The following ERGIC1 variants were observed in gnomAD, a reference collection of about 807,000 sequenced individuals.
ERGIC1 encodes endoplasmic reticulum-golgi intermediate compartment 1.
Under a neutral mutation model 38.3 loss-of-function variants are expected in ERGIC1, and 19 were observed. That is an observed-to-expected ratio of 0.50 (90% confidence interval 0.35 to 0.73). ERGIC1 has a LOEUF of 0.73. Ranked by LOEUF, ERGIC1 falls within the 30% of genes least tolerant of loss-of-function variation. The pLI, the probability that ERGIC1 is intolerant of heterozygous loss-of-function variation, is 0.01. For missense variants in ERGIC1, 294 were observed against 389.2 expected (o/e 0.76, Z 2.06); for synonymous variants, 124 against 157.6 (o/e 0.79, Z 1.60).
At chr5:172,866,262 C>G (rs968791227) in intron 1 of ERGIC1, among the ~76,000 whole-genome samples, 10 of 152,182 alleles carry the variant, frequency 6.6e-5, no homozygotes, top group Middle Eastern at 3.4e-3. Flanking sequence ...GGGAGAGAAG[C>G]GGAGGGAGGT....
chr5:172,932,330 G>GC, intron 7 of ERGIC1, 106 bp from the exon 8 acceptor site: 1 of 1,091,584 alleles, frequency 9.2e-7, no homozygotes, highest in Non-Finnish European at 1.3e-6. Context: ...TGGGGAATGA[G>GC]CCCCCTGCCG....
intron 1 of ERGIC1, among the ~76,000 whole-genome samples, chr5:172,844,389 A>T (rs886129558): frequency 6.6e-6 from 1 of 152,204 alleles, no homozygotes; most frequent in African/African-American, 2.4e-5. Context: ...AATCTGATAA[A>T]TTGCGTGAAA....
intron 1 of ERGIC1, among the ~76,000 whole-genome samples, chr5:172,853,358 G>A (rs1229692257): frequency 6.6e-6 from 1 of 152,194 alleles, no homozygotes; most frequent in South Asian, 2.1e-4. Context: ...AACGGCTCCC[G>A]TGGTGGGGGT....
In ERGIC1 at chr5:172,898,181, C is replaced by G; in HGVS notation, c.155+1107C>G. ...TTTCACTAATGGGATTTCTTGGTTT[C>G]CTTTGCCTCCACTCAGCCACAAGAC... On this transcript the variant is annotated intron_variant, in intron 3 of 9. Transcript: ENST00000393784. The G allele has an allele frequency of 9.9e-6, 3 of 304,430 alleles. No individual in the cohort carries two copies. In the East Asian group the frequency reaches 1.5e-4, roughly 16 times the overall value. 18.9% of individuals were successfully genotyped at this position (304,430 alleles called of 1,614,324 possible). A position where few individuals can be genotyped will look rare whatever the true frequency, so the allele number is the denominator to read the frequency against.
intron 1 of ERGIC1, among the ~76,000 whole-genome samples, chr5:172,854,788 A>G (rs1195036576): frequency 2.0e-5 from 3 of 152,292 alleles, no homozygotes; most frequent in African/African-American, 4.8e-5. Context: ...TACAGCTCAC[A>G]TGTATTTTAA....
At chr5:172,859,183 T>A (rs1160172071) in intron 1 of ERGIC1, among the ~76,000 whole-genome samples, 1 of 152,106 alleles carries the variant, frequency 6.6e-6, no homozygotes, top group Non-Finnish European at 1.5e-5. Context: ...ACGTGCACAT[T>A]TTTCCTCTAT....
At chr5:172,843,730 C>G (rs1033738165) in intron 1 of ERGIC1, among the ~76,000 whole-genome samples, 1 of 152,212 alleles carries the variant, frequency 6.6e-6, no homozygotes, top group Non-Finnish European at 1.5e-5. Context: ...GTGAAGTGCC[C>G]TTGGAACTGA....
intron 1 of ERGIC1, among the ~76,000 whole-genome samples, chr5:172,874,716 C>T (rs1278238770): frequency 6.6e-6 from 1 of 151,798 alleles, no homozygotes; most frequent in African/African-American, 2.4e-5. Flanking sequence ...TGCTTGAGCC[C>T]AGGAGTTTGA....
chr5:172,835,117 G>T (rs1023556254), intron 1 of ERGIC1, among the ~76,000 whole-genome samples: 2 of 152,216 alleles, frequency 1.3e-5, no homozygotes, highest in Admixed American at 6.5e-5. Context: ...CTGCCTCATG[G>T]TCTAGGTTGC....
intron 5 of ERGIC1, among the ~76,000 whole-genome samples, chr5:172,923,748 C>T (rs1210598142): frequency 1.3e-5 from 2 of 152,216 alleles, no homozygotes; most frequent in Non-Finnish European, 2.9e-5. Flanking sequence ...CAGATGGGCA[C>T]TTCACATGCA....
At position 172,834,586 on chromosome 5, in the gene ERGIC1, C is replaced by CCT. The variant is rs777592794; in HGVS notation, c.20+154_20+155insTC. On this transcript the variant is annotated intron_variant, in intron 1 of 9. Transcript: ENST00000393784. The surrounding 1 kb of genome is among the most constrained non-coding windows in gnomAD (Gnocchi z 4.1). The stretch of plus-strand genomic sequence containing the variant: ...CCCTAGGGACCCCAGGCGAGCCCCC[C>CCT]CCCTGCCGCACACGAAGCCAGCCAG... Among the ~76,000 whole-genome samples, 1 of 133,082 alleles carries CCT rather than the reference C, an allele frequency of 7.5e-6. No homozygotes were observed. The highest frequency in any genetic ancestry group is 1.6e-5 in the Non-Finnish European group (1 of 60,870). 87.3% of individuals were successfully genotyped at this position (133,082 alleles called of 152,430 possible). A position where few individuals can be genotyped will look rare whatever the true frequency, so the allele number is the denominator to read the frequency against.
chr5:172,883,028 T>C (rs923775194), intron 1 of ERGIC1, among the ~76,000 whole-genome samples: 1 of 152,140 alleles, frequency 6.6e-6, no homozygotes, highest in Admixed American at 6.5e-5. Context: ...AATCTTCTGG[T>C]CTCAAGTGAT....
intron 3 of ERGIC1, among the ~76,000 whole-genome samples, chr5:172,908,098 C>G (rs541752150): frequency 8.6e-5 from 13 of 151,550 alleles, no homozygotes; most frequent in South Asian, 2.1e-4. Context: ...GTCTAGGTCC[C>G]TGTCCCTGAT....
At position 172,946,967 on chromosome 5, in the gene ERGIC1, T is replaced by C. The variant is rs916688661; in HGVS notation, c.766-3742T>C. ...GGGAGGCCGAGGCAGGCAGATCACT[T>C]GAGGTCAGGGGTTCGAGACTATCCT... On this transcript the variant is annotated intron_variant, in intron 9 of 9. Transcript: ENST00000393784. 4.0e-5 allele frequency among the ~76,000 whole-genome samples: 6 copies of C among 151,870 alleles called. No individual in the cohort carries two copies. In the East Asian group the frequency reaches 1.2e-3, roughly 29 times the overall value.
intron 1 of ERGIC1, among the ~76,000 whole-genome samples, chr5:172,849,384 T>G (rs1347996474): frequency 6.6e-6 from 1 of 152,144 alleles, no homozygotes; most frequent in East Asian, 1.9e-4. Flanking sequence ...CAGTGATTCT[T>G]AGGGTCAGGC....
At chr5:172,949,650 C>T (rs1355007667) in intron 9 of ERGIC1, among the ~76,000 whole-genome samples, 3 of 101,876 alleles carry the variant, frequency 2.9e-5, no homozygotes, top group South Asian at 3.6e-4. Flanking sequence ...GTTGTCACAG[C>T]GTGGCGGGGG....
intron 1 of ERGIC1, among the ~76,000 whole-genome samples, chr5:172,843,717 G>T (rs1001877749): frequency 6.6e-6 from 1 of 152,190 alleles, no homozygotes; most frequent in African/African-American, 2.4e-5. Flanking sequence ...CCTGCGGAAC[G>T]CTGTGAAGTG....
At chr5:172,914,588 T>G (rs1421774308) in intron 4 of ERGIC1, 126 bp from the exon 5 acceptor site, 1 of 1,494,840 alleles carries the variant, frequency 6.7e-7, no homozygotes. Context: ...GACCATGAGC[T>G]CCTGGAGGTC....
intron 1 of ERGIC1, among the ~76,000 whole-genome samples, chr5:172,847,714 C>T (rs1037404000): frequency 3.3e-5 from 5 of 152,136 alleles, no homozygotes; most frequent in Admixed American, 6.5e-5. Context: ...GGGGTTTCGC[C>T]GTGTTGACCA....
Sources: gnomAD v4.1 joint callset for allele counts (sites outside exome capture counted in the v4.1 genomes callset) on GRCh38, gnomAD v4.1.1 for gene constraint, Gnocchi (gnomAD v3.1) non-coding constraint, MANE v1.5 for transcripts, NCBI Gene and HGNC (gene_info 2026-07-23, HGNC 2026-07-21) for gene names.